ACIN1: variants seen among roughly 807,000 people sequenced by gnomAD.
ACIN1 encodes the protein apoptotic chromatin condensation inducer 1, also known as apoptotic chromatin condensation inducer in the nucleus.
A neutral mutation model predicts 146.6 loss-of-function variants in ACIN1; 16 were observed. The ratio of observed to expected loss-of-function variants is 0.11; its 90% CI spans 0.07 to 0.17. ACIN1 has a LOEUF of 0.17. Among genes scored for constraint, ACIN1 ranks in the 10% least tolerant of loss-of-function variants. The probability of loss-of-function intolerance (pLI) is 1.00; values close to 1 mark genes in which losing one functional copy is unlikely to be tolerated. For synonymous variants in ACIN1, 569 were observed against 582.7 expected (o/e 0.98, Z 0.34); for missense variants, 1,357 against 1,609.3 (o/e 0.84, Z 2.68).
At chr14:23,078,073 T>G in intron 8 of ACIN1, 78 bp downstream of exon 8, 1 of 1,342,900 alleles carries the variant, frequency 7.4e-7, no homozygotes. Flanking sequence ...GACTGCTTAG[T>G]CAAAGAACCC....
In ACIN1 at chr14:23,059,085, CCT is replaced by C; in HGVS notation, c.*61_*62del. On this transcript the variant is annotated 3_prime_UTR_variant, in exon 19 of 19. Transcript: ENST00000605057. ...CAGGGTGGTGGAGACTGTGCCTATC[CCT>C]CTGTGGCCATAACCCCCTGGGGCCG... The C allele has an allele frequency of 1.3e-6, 2 of 1,507,574 alleles. No individual in the cohort carries two copies. Among genetic ancestry groups the C allele is most frequent in the Admixed American group, 3.4e-5 (2 of 58,238 alleles). 93.4% of individuals were successfully genotyped at this position (1,507,574 alleles called of 1,614,324 possible).
chr14:23,091,650 G>A (rs1215765252), intron 2 of ACIN1, among the ~76,000 whole-genome samples: 1 of 148,468 alleles, frequency 6.7e-6, no homozygotes, highest in Non-Finnish European at 1.5e-5. Flanking sequence ...TTTTGAGACG[G>A]ACTATCACTG....
intron 5 of ACIN1, 135 bp from the exon 6 acceptor site, chr14:23,080,944 C>A: frequency 1.3e-5 from 19 of 1,461,836 alleles, no homozygotes; most frequent in Non-Finnish European, 1.6e-5. Flanking sequence ...ACAGGAGTGA[C>A]AGGAGACAAT....
At position 23,079,701 on chromosome 14, in the gene ACIN1, G is replaced by C; in HGVS notation, c.1634C>G (p.Ser545Cys). The C allele has an allele frequency of 6.2e-7, 1 of 1,614,160 alleles. No individual in the cohort carries two copies. ...SRSPDSSGSRSHSPLRSKQRD... is the reference protein window; with the variant it reads ...SRSPDSSGSRCHSPLRSKQRD... Reference sequence around the variant, plus strand: ...CTGCTTGGATCTGAGCGGTGAATGAGACCGAGAACCTGAACTGTCAGGAGA... The same window carrying C: ...CTGCTTGGATCTGAGCGGTGAATGACACCGAGAACCTGAACTGTCAGGAGA... Residue 545 changes from serine (S) to cysteine (C), a missense_variant, in exon 6 of 19, where the codon TCT (serine) becomes TGT (cysteine). By Grantham distance (112) the Ser-to-Cys change is moderately radical (BLOSUM62 -1). Around this residue, in one of 4 missense-constraint regions of ACIN1, gnomAD observed 771 missense variants for 746.6 expected, o/e 1.03. Transcript: ENST00000605057.
chr14:23,075,523 A>G (rs111404382), intron 8 of ACIN1, among the ~76,000 whole-genome samples: 6 of 152,156 alleles, frequency 3.9e-5, no homozygotes, highest in African/African-American at 1.4e-4. Context: ...CCTCAGGCAC[A>G]ATCAGAATCA....
chr14:23,062,634 G>A, intron 14 of ACIN1, 111 bp from the exon 15 acceptor site: 1 of 1,069,934 alleles, frequency 9.3e-7, no homozygotes, highest in Non-Finnish European at 1.4e-6. Flanking sequence ...TTGGGGGAGG[G>A]CAGAGAGTTT....
intron 5 of ACIN1, 90 bp downstream of exon 5, chr14:23,081,658 A>G: frequency 8.8e-7 from 1 of 1,136,522 alleles, no homozygotes; most frequent in Non-Finnish European, 1.3e-6. Context: ...CCCTAAATGT[A>G]GAGACATACA....
chr14:23,064,068 C>T, intron 12 of ACIN1, 37 bp downstream of exon 12: 2 of 1,611,988 alleles, frequency 1.2e-6, no homozygotes, highest in Non-Finnish European at 1.7e-6. Flanking sequence ...TCTACTGCTC[C>T]CACCTTTCCC....
In ACIN1 at chr14:23,080,703, G is replaced by C. The variant is rs1208454872; in HGVS notation, c.632C>G (p.Thr211Arg). ...CTCCTCCTCCTCTTCTTCCTCCTCT[G>C]TTTTCAAATTTCGATCTGCTCTGAC... ...LRVRADRNLK[T>R]EEEEEEEEEE... Residue 211 changes from threonine (T) to arginine (R), a missense_variant, in exon 6 of 19, where the codon ACA becomes AGA. Thr to Arg is a moderately conservative substitution (Grantham distance 71, BLOSUM62 -1). Around this residue, in one of 4 missense-constraint regions of ACIN1, gnomAD observed 771 missense variants for 746.6 expected, o/e 1.03. Coordinates refer to ENST00000605057, the MANE Select transcript of ACIN1 (RefSeq NM_001386863.1). The C allele has an allele frequency of 1.3e-5, 21 of 1,613,546 alleles. No individual in the cohort carries two copies. The highest frequency in any genetic ancestry group is 1.8e-5 in the Non-Finnish European group (21 of 1,179,960).
chr14:23,064,593 T>A, intron 10 of ACIN1, 105 bp from the exon 11 acceptor site: 1 of 1,461,546 alleles, frequency 6.8e-7, no homozygotes, highest in Non-Finnish European at 9.3e-7. Flanking sequence ...GGTAAAAGGT[T>A]AACTTAAAGA....
chr14:23,093,849 C>A (rs2048293090), intron 1 of ACIN1, among the ~76,000 whole-genome samples: 2 of 152,208 alleles, frequency 1.3e-5, no homozygotes, highest in South Asian at 2.1e-4. Flanking sequence ...CTATTATCTT[C>A]TGCACTTTCG....
At position 23,076,137 on chromosome 14, in the gene ACIN1, T is replaced by TTAATC. The variant is rs2047795222; in HGVS notation, c.2123+2013_2123+2014insGATTA. On this transcript the variant is annotated intron_variant, in intron 8 of 18. Coordinates refer to ENST00000605057, the MANE Select transcript of ACIN1 (RefSeq NM_001386863.1). ...CAGGAAGGGTGTTGTTAATCAGTTG[T>TTAATC]GGTAGGGCCTCCAGAAATGTATGCA... is the stretch of plus-strand genomic sequence containing the variant. 1.1e-4 allele frequency among the ~76,000 whole-genome samples: 16 copies of TTAATC among 152,358 alleles called. No homozygotes were observed. In the South Asian group the frequency reaches 3.1e-3, roughly 30 times the overall value.
At chr14:23,072,597 G>A (rs549140507) in intron 8 of ACIN1, among the ~76,000 whole-genome samples, 4 of 152,220 alleles carry the variant, frequency 2.6e-5, no homozygotes, top group Non-Finnish European at 2.9e-5. Context: ...TTTGTTGACT[G>A]CAGAGATGTT....
chr14:23,079,515 C>T (rs2047887242), intron 6 of ACIN1, 32 bp downstream of exon 6: 2 of 1,605,256 alleles, frequency 1.2e-6, no homozygotes, highest in Non-Finnish European at 1.7e-6. Context: ...TATGACAGAA[C>T]ATTAATACAC....
intron 1 of ACIN1, chr14:23,094,386 C>T (rs1239743150): frequency 2.6e-6 from 2 of 760,460 alleles, no homozygotes; most frequent in East Asian, 1.3e-4. Flanking sequence ...GCCTCTCTCA[C>T]CAATATTCAC....
rs749019732 is a variant in ACIN1, at chr14:23,080,636, CTCA to C, written c.696_698del (p.Asp232del). ...TTGGTGCCTCCCTAGATTTTTGTCC[CTCA>C]TCATCACCTTCCTCTTCTTCATCAT... On this transcript the variant is annotated inframe_deletion, in exon 6 of 19. Transcript: ENST00000605057. 16 of 1,613,894 alleles carry C rather than the reference CTCA, an allele frequency of 9.9e-6. No individual in the cohort carries two copies. In the South Asian group the frequency reaches 1.3e-4, roughly 13 times the overall value.
In ACIN1 at chr14:23,058,961, C is replaced by G. The variant is rs2047179563; in HGVS notation, c.*187G>C. 2 of 602,648 alleles carry G rather than the reference C, an allele frequency of 3.3e-6. No homozygotes were observed. Among genetic ancestry groups the G allele is most frequent in the African/African-American group, 3.7e-5 (2 of 54,008 alleles). 37.3% of individuals were successfully genotyped at this position (602,648 alleles called of 1,614,324 possible). ...TGAGAGGGAGGGTCGGGCTAAGTCC[C>G]AAGAGATAGGTTAAGGGGGTGTGTT... On this transcript the variant is annotated 3_prime_UTR_variant, in exon 19 of 19. Transcript: ENST00000605057.
Position 23,061,639 on chromosome 14 carries a change from G to C in ACIN1, c.3100-17C>G. 1 of 1,511,604 alleles carries C rather than the reference G, an allele frequency of 6.6e-7. No individual in the cohort carries two copies. Among genetic ancestry groups the C allele is most frequent in the Non-Finnish European group, 8.9e-7 (1 of 1,129,072 alleles). 93.6% of individuals were successfully genotyped at this position (1,511,604 alleles called of 1,614,324 possible). A position where few individuals can be genotyped will look rare whatever the true frequency, so the allele number is the denominator to read the frequency against. ...ATAATCCAGCTGTGGGGAGAGGAGG[G>C]ACAAGGACAGTTAGGATAGAGGTGA... On this transcript the variant is annotated splice_polypyrimidine_tract_variant and intron_variant, in intron 16 of 18. Coordinates refer to ENST00000605057, the MANE Select transcript of ACIN1 (RefSeq NM_001386863.1).
intron 4 of ACIN1, among the ~76,000 whole-genome samples, chr14:23,087,225 T>C (rs937652450): frequency 6.6e-6 from 1 of 152,146 alleles, no homozygotes; most frequent in Non-Finnish European, 1.5e-5. Flanking sequence ...AACACTAGGG[T>C]TAATGCTGAT....
Sources: gnomAD v4.1 joint callset for allele counts (sites outside exome capture counted in the v4.1 genomes callset) on GRCh38, gnomAD v4.1.1 for gene constraint, gnomAD v4.1.1 regional missense constraint, MANE v1.5 for transcripts, NCBI Gene and HGNC (gene_info 2026-07-23, HGNC 2026-07-21) for gene names.